The following TRIP12 variants were observed in gnomAD, a reference collection of about 807,000 sequenced individuals.
TRIP12 encodes the protein thyroid hormone receptor interactor 12.
A neutral mutation model predicts 244.2 loss-of-function variants in TRIP12; 25 were observed. The ratio of observed to expected loss-of-function variants is 0.10; its 90% CI spans 0.07 to 0.14. The LOEUF (loss-of-function observed/expected upper bound fraction) is 0.14. Among genes scored for constraint, TRIP12 ranks in the 10% least tolerant of loss-of-function variants. TRIP12 has a pLI of 1.00. For synonymous variants in TRIP12, 905 were observed against 873.1 expected (o/e 1.04, Z -0.64); for missense variants, 1,677 against 2,486.4 (o/e 0.67, Z 6.92).
intron 1 of TRIP12, among the ~76,000 whole-genome samples, chr2:229,882,812 T>C (rs1211914593): frequency 6.6e-6 from 1 of 152,198 alleles, no homozygotes; most frequent in Non-Finnish European, 1.5e-5. Context: ...TAGAGTCACC[T>C]AGGTAACCTT....
chr2:229,857,783 T>C (rs1286999873), intron 4 of TRIP12, among the ~76,000 whole-genome samples: 1 of 152,188 alleles, frequency 6.6e-6, no homozygotes, highest in East Asian at 1.9e-4. Context: ...GGAATGCACA[T>C]AACGCTATGT....
intron 8 of TRIP12, among the ~76,000 whole-genome samples, chr2:229,826,463 T>C (rs1230697308): frequency 6.6e-6 from 1 of 152,222 alleles, no homozygotes. Context: ...AAATTACTGT[T>C]TTATTTTTTA....
intron 6 of TRIP12, among the ~76,000 whole-genome samples, chr2:229,835,667 A>G (rs1559742391): frequency 6.6e-6 from 1 of 152,246 alleles, no homozygotes; most frequent in Non-Finnish European, 1.5e-5. Context: ...CTGGACTGCA[A>G]TGTAGTGTAC....
intron 4 of TRIP12, among the ~76,000 whole-genome samples, chr2:229,844,512 T>C (rs559156263): frequency 5.3e-5 from 8 of 152,220 alleles, no homozygotes; most frequent in African/African-American, 1.9e-4. Flanking sequence ...TTTCATATGG[T>C]AATCTGAGAT....
At chr2:229,785,698 TAACA>T in intron 34 of TRIP12, 55 bp downstream of exon 34, 1 of 1,485,472 alleles carries the variant, frequency 6.7e-7, no homozygotes, top group Non-Finnish European at 9.2e-7. Context: ...GAAACTCAAA[TAACA>T]TTTAATTAAG....
At chr2:229,815,236 A>C in intron 10 of TRIP12, 37 bp downstream of exon 10, 1 of 1,560,130 alleles carries the variant, frequency 6.4e-7, no homozygotes, top group East Asian at 2.2e-5. Context: ...CTCAAAACTT[A>C]AATATACACC....
rs1019628259 is a variant in TRIP12 at position 229,813,512 on chromosome 2, G to A, written c.1986+358C>T. ...GTCATTTAAAAAAGTGGCTGGGCGC[G>A]GTAGCTCACGCCTGTAATCCCAGCA... On this transcript the variant is annotated intron_variant, in intron 13 of 41. Coordinates refer to ENST00000675903, the MANE Select transcript of TRIP12 (RefSeq NM_001348323.3). Among the ~76,000 whole-genome samples, 10 of 152,126 alleles carry A rather than the reference G, an allele frequency of 6.6e-5. No individual in the cohort carries two copies. The East Asian group carries it at 1.3e-3, about 21-fold the overall frequency.
intron 2 of TRIP12, among the ~76,000 whole-genome samples, chr2:229,873,747 A>T (rs1367105637): frequency 6.6e-6 from 1 of 152,214 alleles, no homozygotes; most frequent in Admixed American, 6.5e-5. Context: ...AAATGTAAAG[A>T]AAAATAATAA....
At chr2:229,790,112 T>G (rs1367369145) in intron 30 of TRIP12, among the ~76,000 whole-genome samples, 1 of 152,198 alleles carries the variant, frequency 6.6e-6, no homozygotes, top group Non-Finnish European at 1.5e-5. Context: ...TACAGAAATT[T>G]CCCAGATCTT....
intron 2 of TRIP12, among the ~76,000 whole-genome samples, chr2:229,879,536 A>G (rs10165769): frequency 0.017 from 2,609 of 152,348 alleles, 69 homozygotes; most frequent in African/African-American, 0.06. Context: ...TACCCTGTTA[A>G]TATCTATGCT....
chr2:229,865,334 A>AG (rs1430015802), intron 2 of TRIP12, among the ~76,000 whole-genome samples: 1 of 25,100 alleles, frequency 4.0e-5, no homozygotes, highest in African/African-American at 9.3e-5. Context: ...AAAAAAAAAA[A>AG]AAAAAAAAAG....
chr2:229,768,844 T>C (rs1332500227), intron 40 of TRIP12, 125 bp from the exon 41 acceptor site: 1 of 891,198 alleles, frequency 1.1e-6, no homozygotes, highest in East Asian at 2.7e-5. Context: ...ACATTTTCCA[T>C]TACAATGTAC....
At chr2:229,836,382 A>C (rs2054821770) in intron 6 of TRIP12, among the ~76,000 whole-genome samples, 1 of 152,160 alleles carries the variant, frequency 6.6e-6, no homozygotes, top group Admixed American at 6.5e-5. Context: ...GAAAAGCCTT[A>C]ATTTTGTGCT....
intron 13 of TRIP12, among the ~76,000 whole-genome samples, chr2:229,812,676 C>A (rs545299242): frequency 1.3e-5 from 2 of 151,988 alleles, no homozygotes; most frequent in Admixed American, 6.6e-5. Flanking sequence ...CGTGGTGGCA[C>A]GCAACTGTAA....
At chr2:229,872,217 C>G (rs2062770275) in intron 2 of TRIP12, among the ~76,000 whole-genome samples, 1 of 151,466 alleles carries the variant, frequency 6.6e-6, no homozygotes, top group Non-Finnish European at 1.5e-5. Context: ...CTGCTTCAGG[C>G]CAGGAGCTTG....
intron 2 of TRIP12, among the ~76,000 whole-genome samples, chr2:229,867,724 T>C (rs1178189510): frequency 1.3e-5 from 2 of 152,144 alleles, no homozygotes; most frequent in Non-Finnish European, 2.9e-5. Flanking sequence ...ATCAGAAGAA[T>C]GAAAGCAAAT....
At chr2:229,895,847 G>A (rs1245744199) in intron 1 of TRIP12, among the ~76,000 whole-genome samples, 1 of 152,072 alleles carries the variant, frequency 6.6e-6, no homozygotes. Flanking sequence ...ACCCAGACAT[G>A]TCATAATTCA....
chr2:229,850,712 G>A (rs2058494000), intron 4 of TRIP12, among the ~76,000 whole-genome samples: 1 of 152,230 alleles, frequency 6.6e-6, no homozygotes, highest in African/African-American at 2.4e-5. Context: ...GCAGGGAGGT[G>A]TGGAGGGAGA....
At position 229,838,223 on chromosome 2, in the gene TRIP12, A is replaced by G. The variant is rs576477404; in HGVS notation, c.1134-1239T>C. 8.5e-5 allele frequency among the ~76,000 whole-genome samples: 13 copies of G among 152,340 alleles called. No individual in the cohort carries two copies. The East Asian group carries it at 2.5e-3, about 29-fold the overall frequency. The stretch of plus-strand genomic sequence containing the variant: ...CTTAACTAATCTTTCCTTCACAAGG[A>G]AACAGCTCATTCCCAACCCATTTTA... On this transcript the variant is annotated intron_variant, in intron 5 of 41. Transcript: ENST00000675903.
Sources: gnomAD v4.1 joint callset for allele counts (sites outside exome capture counted in the v4.1 genomes callset) on GRCh38, gnomAD v4.1.1 for gene constraint, MANE v1.5 for transcripts, NCBI Gene and HGNC (gene_info 2026-07-23, HGNC 2026-07-21) for gene names.